ECT2: variants seen among roughly 807,000 people sequenced by gnomAD.
ECT2 encodes protein ECT2.
A neutral mutation model predicts 116.9 loss-of-function variants in ECT2; 61 were observed. The observed-to-expected ratio is 0.52, with a 90% CI of 0.42 to 0.65. The LOEUF is 0.65. ECT2 is among the 30% of genes least tolerant of loss of function. The pLI is 0.00. For synonymous variants in ECT2, 358 were observed against 346.4 expected (o/e 1.03, Z -0.37); for missense variants, 937 against 1,078.7 (o/e 0.87, Z 1.84).
chr3:172,818,466 TAGAC>T (rs1179732413), intron 24 of ECT2: 10 of 801,426 alleles, frequency 1.2e-5, no homozygotes, highest in Admixed American at 5.4e-5. Flanking sequence ...TCACTTTTAA[TAGAC>T]AGCATATGTA....
intron 24 of ECT2, among the ~76,000 whole-genome samples, chr3:172,817,298 A>G (rs1729916624): frequency 6.6e-6 from 1 of 152,094 alleles, no homozygotes; most frequent in South Asian, 2.1e-4. Context: ...TAACCTCTTT[A>G]TTGGGTAAAG....
chr3:172,807,356 C>G (rs1727966754), intron 21 of ECT2, among the ~76,000 whole-genome samples: 1 of 152,088 alleles, frequency 6.6e-6, no homozygotes, highest in Non-Finnish European at 1.5e-5. Flanking sequence ...CAGATGCAGA[C>G]CCACAGATAC....
Position 172,764,483 on chromosome 3 carries a change from C to G in ECT2, c.1274C>G (p.Ser425Cys). 6.2e-7 allele frequency: 1 copy of G among 1,613,616 alleles called. No individual in the cohort carries two copies. Among genetic ancestry groups the G allele is most frequent in the East Asian group, 2.2e-5 (1 of 44,876 alleles). ...SLLDISNTPE[S>C]SINYGDTPKS... ...CTAGATATCTCCAACACACCAGAGT[C>G]TAGCATTAACTATGGAGGTAATTCA... is the stretch of plus-strand genomic sequence containing the variant. The change falls in exon 12 of 25, where the codon TCT becomes TGT. Residue 425 changes from serine to cysteine, a missense_variant. Ser to Cys is a moderately radical substitution (Grantham distance 112). Transcript: ENST00000392692.
chr3:172,767,285 A>G (rs1315138317), intron 12 of ECT2, among the ~76,000 whole-genome samples: 2 of 152,144 alleles, frequency 1.3e-5, no homozygotes, highest in African/African-American at 4.8e-5. Flanking sequence ...TACTAAAAAT[A>G]CAAAAATCAG....
Position 172,782,200 on chromosome 3 carries a change from G to A in ECT2, c.1586G>A (p.Ser529Asn). The A allele has an allele frequency of 6.3e-7, 1 of 1,578,102 alleles. No homozygotes were observed. Among genetic ancestry groups the A allele is most frequent in the Non-Finnish European group, 8.6e-7 (1 of 1,158,570 alleles). ...LEDLIVNWDE[S>N]KSIGDIFLKY... ...GACCTTATAGTTAATTGGGATGAGAGCAAAAGCATTGGTGACATTTTTCTG... is the reference window on the plus strand; with the variant it reads ...GACCTTATAGTTAATTGGGATGAGAACAAAAGCATTGGTGACATTTTTCTG... Residue 529 changes from serine (S) to asparagine (N), a missense_variant, in exon 15 of 25, where the codon AGC (serine) becomes AAC (asparagine). Physicochemically the swap from Ser to Asn is conservative, Grantham distance 46. Transcript: ENST00000392692.
chr3:172,805,009 CTT>C (rs776027937), intron 20 of ECT2, among the ~76,000 whole-genome samples: 8 of 151,978 alleles, frequency 5.3e-5, no homozygotes, highest in Middle Eastern at 3.4e-3. Context: ...AAAATAAAAA[CTT>C]ATAATCTTAA....
At chr3:172,764,580 T>C (rs1317261532) in intron 12 of ECT2, 80 bp downstream of exon 12, 9 of 1,288,556 alleles carry the variant, frequency 7.0e-6, no homozygotes, top group African/African-American at 1.5e-5. Context: ...ATCCCTGATA[T>C]AGTGAATATG....
chr3:172,773,074 C>G (rs1296061102), intron 13 of ECT2, among the ~76,000 whole-genome samples: 1 of 152,074 alleles, frequency 6.6e-6, no homozygotes, highest in African/African-American at 2.4e-5. Context: ...CTATATCTGC[C>G]AGAAGCCCTG....
At chr3:172,786,440 G>A in intron 17 of ECT2, 53 bp from the exon 18 acceptor site, 1 of 1,174,118 alleles carries the variant, frequency 8.5e-7, no homozygotes, top group East Asian at 2.4e-5. Flanking sequence ...TTTAGTCTTA[G>A]ATGAGAAATC....
chr3:172,761,863 AGATATCTTT>A (rs1387646184), intron 8 of ECT2, among the ~76,000 whole-genome samples, 180 bp downstream of exon 8: 1 of 152,114 alleles, frequency 6.6e-6, no homozygotes, highest in African/African-American at 2.4e-5. Flanking sequence ...AAAAATTGAA[AGATATCTTT>A]GATATCTTTG....
downstream of ECT2, among the ~76,000 whole-genome samples, chr3:172,825,591 T>A (rs565314624): frequency 6.6e-6 from 1 of 152,316 alleles, no homozygotes; most frequent in East Asian, 1.9e-4. Flanking sequence ...AAGATCAAAC[T>A]AGCCACAACA....
intron 5 of ECT2, among the ~76,000 whole-genome samples, chr3:172,758,448 T>C (rs1160841102): frequency 2.1e-5 from 3 of 141,144 alleles, no homozygotes; most frequent in African/African-American, 8.2e-5. Context: ...CTTTTATTAT[T>C]TTTAAACCGT....
chr3:172,800,719 G>A (rs983168231), intron 18 of ECT2, among the ~76,000 whole-genome samples: 1 of 151,808 alleles, frequency 6.6e-6, no homozygotes. Flanking sequence ...TGACTGATTT[G>A]GGTCATCAGA....
rs755200399 is a variant in ECT2, at chr3:172,805,877, G to A, written c.2245+8G>A. Reference sequence around the variant, plus strand: ...ACATAAGAGAGACAGAAGGTATGCCGGTCGGATACATTCTTGGTTATATAA... The same window carrying A: ...ACATAAGAGAGACAGAAGGTATGCCAGTCGGATACATTCTTGGTTATATAA... On this transcript the variant is annotated splice_region_variant and intron_variant, in intron 21 of 24. Coordinates refer to ENST00000392692, the MANE Select transcript of ECT2 (RefSeq NM_001258315.2). 1.3e-5 allele frequency: 21 copies of A among 1,609,824 alleles called. No homozygotes were observed. Among genetic ancestry groups the A allele is most frequent in the South Asian group, 6.7e-5 (6 of 90,184 alleles).
At chr3:172,792,534 A>C (rs998489877) in intron 18 of ECT2, among the ~76,000 whole-genome samples, 1 of 147,666 alleles carries the variant, frequency 6.8e-6, no homozygotes, top group African/African-American at 2.5e-5. Flanking sequence ...TTTATTTTCC[A>C]TTGTATGGCT....
chr3:172,752,844 CTA>C lies in ECT2; in HGVS notation c.-22-1663_-22-1662del, dbSNP rs201849721. Among the ~76,000 whole-genome samples, 1,377 of 152,296 alleles carry C rather than the reference CTA, an allele frequency of 9.0e-3. 28 individuals carry two copies. Among genetic ancestry groups the C allele is most frequent in the African/African-American group, 0.032 (1,325 of 41,576 alleles). ...AATGTGGAAACTGAGGTTTAACTGA[CTA>C]TGTGCAGGGCTGAGACAGGAAGCTG... On this transcript the variant is annotated intron_variant, in intron 1 of 24. Coordinates refer to ENST00000392692, the MANE Select transcript of ECT2 (RefSeq NM_001258315.2).
chr3:172,816,859 G>A (rs1729812646), intron 24 of ECT2, 22 bp downstream of exon 24: 1 of 1,512,256 alleles, frequency 6.6e-7, no homozygotes. Flanking sequence ...TGATTTAATG[G>A]GGTAAATGAC....
chr3:172,778,588 C>CTTTTTTTTTTT (rs5854485), intron 14 of ECT2, among the ~76,000 whole-genome samples: 1 of 59,778 alleles, frequency 1.7e-5, no homozygotes, highest in African/African-American at 6.0e-5. Context: ...TATTAGCTAT[C>CTTTTTTTTTTT]TTTTTTTTTT....
At chr3:172,807,463 C>T (rs532417808) in intron 21 of ECT2, among the ~76,000 whole-genome samples, 6 of 152,156 alleles carry the variant, frequency 3.9e-5, no homozygotes, top group South Asian at 2.1e-4. Context: ...GCATCTTGAT[C>T]GTGCAACTTT....
Sources: allele counts gnomAD v4.1 joint callset (sites outside exome capture counted in the v4.1 genomes callset), GRCh38; gene constraint gnomAD v4.1.1; transcripts MANE v1.5; gene names NCBI Gene and HGNC (gene_info 2026-07-23, HGNC 2026-07-21).